Variants in ALG12 observed in about 807,000 individuals in gnomAD.
ALG12 encodes ALG12 alpha-1,6-mannosyltransferase.
In ALG12, 36 loss-of-function variants were observed where a neutral mutation model predicts 46.0. The ratio of observed to expected loss-of-function variants is 0.78; its 90% confidence interval spans 0.60 to 1.03. ALG12 has a LOEUF of 1.03. Ranked by LOEUF, ALG12 falls within the 50% of genes least tolerant of loss-of-function variation. The pLI is 0.00. For missense variants in ALG12, 599 were observed against 633.5 expected, an observed-to-expected ratio of 0.95 and a Z score of 0.58; for synonymous variants, 326 against 291.6, an observed-to-expected ratio of 1.12 and a Z score of -1.20.
the ALG12 span, among the ~76,000 whole-genome samples, chr22:49,871,966 G>A: frequency 6.6e-6 from 1 of 151,956 alleles, no homozygotes; most frequent in Non-Finnish European, 1.5e-5. Context: ...GGCTGGTCTC[G>A]AACTCTTCAC....
At chr22:49,874,915 TC>T in the ALG12 span, among the ~76,000 whole-genome samples, 5 of 151,944 alleles carry the variant, frequency 3.3e-5, no homozygotes, top group Non-Finnish European at 7.4e-5. Context: ...ATGCCTGACC[TC>T]AGGTGATCTG....
At chr22:49,890,369 A>G in the ALG12 span, among the ~76,000 whole-genome samples, 3 of 152,208 alleles carry the variant, frequency 2.0e-5, no homozygotes. Context: ...AAGCTCCATC[A>G]AGATCAAGAT....
At chr22:49,899,630 C>T (rs562522253), downstream of ALG12, among the ~76,000 whole-genome samples, 1 of 152,218 alleles carries the variant, frequency 6.6e-6, no homozygotes, top group African/African-American at 2.4e-5. Flanking sequence ...GCAATCACCC[C>T]GCAGCCCAGC....
the ALG12 span, among the ~76,000 whole-genome samples, chr22:49,895,090 G>A: frequency 1.3e-5 from 2 of 152,192 alleles, no homozygotes; most frequent in Non-Finnish European, 2.9e-5. Flanking sequence ...ACACCATGCT[G>A]TACACATTGC....
At chr22:49,875,553 T>C in the ALG12 span, among the ~76,000 whole-genome samples, 696 of 152,138 alleles carry the variant, frequency 4.6e-3, 8 homozygotes, top group African/African-American at 0.015. Context: ...CTCAGGTAGC[T>C]GGGGTTACAG....
At chr22:49,870,816 G>C in the ALG12 span, among the ~76,000 whole-genome samples, 1 of 152,076 alleles carries the variant, frequency 6.6e-6, no homozygotes, top group African/African-American at 2.4e-5. Flanking sequence ...CAGCTATGCA[G>C]AGGCTCTTTA....
chr22:49,909,666 C>T (rs2060564153), intron 5 of ALG12, among the ~76,000 whole-genome samples: 1 of 152,246 alleles, frequency 6.6e-6, no homozygotes, highest in Non-Finnish European at 1.5e-5. Flanking sequence ...TGTGGCCTCC[C>T]CCAGCCCAAG....
the ALG12 span, among the ~76,000 whole-genome samples, chr22:49,860,726 G>T: frequency 6.6e-6 from 1 of 150,938 alleles, no homozygotes; most frequent in Non-Finnish European, 1.5e-5. Context: ...TGTTATAAAG[G>T]TCAGAACTAC....
the ALG12 span, among the ~76,000 whole-genome samples, chr22:49,875,582 G>A: frequency 1.3e-5 from 2 of 151,590 alleles, no homozygotes; most frequent in Admixed American, 6.6e-5. Flanking sequence ...CACCACGCCC[G>A]GCTAATTTTT....
chr22:49,897,787 C>G (rs7285892), downstream of ALG12, among the ~76,000 whole-genome samples: 8,773 of 150,410 alleles, frequency 0.058, 682 homozygotes, highest in African/African-American at 0.18. Context: ...TCCCAAGGAG[C>G]TGGGACAACA....
At chr22:49,868,742 A>G in the ALG12 span, among the ~76,000 whole-genome samples, 1 of 152,138 alleles carries the variant, frequency 6.6e-6, no homozygotes, top group African/African-American at 2.4e-5. Context: ...TACTTCGTGC[A>G]TGTGTTGTAG....
the ALG12 span, among the ~76,000 whole-genome samples, chr22:49,862,917 G>T: frequency 2.0e-5 from 3 of 151,958 alleles, no homozygotes; most frequent in African/African-American, 7.3e-5. Context: ...AGTCAGGCTG[G>T]TCTCGAACTC....
At chr22:49,866,889 C>T in the ALG12 span, among the ~76,000 whole-genome samples, 1 of 152,196 alleles carries the variant, frequency 6.6e-6, no homozygotes, top group East Asian at 1.9e-4. Flanking sequence ...AACGGTGGCT[C>T]TCGGCAAATG....
chr22:49,868,505 T>G, the ALG12 span, among the ~76,000 whole-genome samples: 5 of 151,938 alleles, frequency 3.3e-5, no homozygotes, highest in Non-Finnish European at 2.9e-5. Flanking sequence ...CTTGAGCTCA[T>G]GAGGCGGAGG....
intron 4 of ALG12, 87 bp from the exon 5 acceptor site, chr22:49,910,175 T>G: frequency 7.0e-7 from 1 of 1,420,942 alleles, no homozygotes; most frequent in Non-Finnish European, 9.5e-7. Flanking sequence ...GTGATTCCTT[T>G]TCCTATTATA....
At chr22:49,876,814 G>A in the ALG12 span, among the ~76,000 whole-genome samples, 1 of 152,036 alleles carries the variant, frequency 6.6e-6, no homozygotes, top group Non-Finnish European at 1.5e-5. Flanking sequence ...TTTTAGTAGT[G>A]GTATTTCCAT....
intron 1 of ALG12, 144 bp from the exon 2 acceptor site, chr22:49,913,987 A>G (rs2060596448): frequency 1.6e-6 from 1 of 608,940 alleles, no homozygotes; most frequent in South Asian, 1.9e-5. Flanking sequence ...CAAGATGGAA[A>G]GTTTGGAGAA....
At chr22:49,879,323 C>T in the ALG12 span, among the ~76,000 whole-genome samples, 14 of 151,844 alleles carry the variant, frequency 9.2e-5, no homozygotes, top group East Asian at 2.0e-4. Context: ...GACCAGGTTT[C>T]GCCATATTGG....
At chr22:49,892,882 A>G in the ALG12 span, among the ~76,000 whole-genome samples, 1 of 152,388 alleles carries the variant, frequency 6.6e-6, no homozygotes, top group East Asian at 1.9e-4. Context: ...AGTGACTGAA[A>G]AGAGAATCAT....
Sources: gnomAD v4.1 joint callset for allele counts (sites outside exome capture counted in the v4.1 genomes callset) on GRCh38, gnomAD v4.1.1 for gene constraint, MANE v1.5 for transcripts, NCBI Gene and HGNC (gene_info 2026-07-23, HGNC 2026-07-21) for gene names.